The following ELL variants were observed in gnomAD, a reference collection of about 807,000 sequenced individuals.
ELL encodes RNA polymerase II elongation factor ELL.
In ELL, 18 loss-of-function variants were observed where a neutral mutation model predicts 64.0. The observed-to-expected ratio is 0.28, with a 90% CI of 0.19 to 0.42. ELL has a LOEUF of 0.42. Among genes scored for constraint, ELL ranks in the 10% least tolerant of loss-of-function variants. The probability of loss-of-function intolerance (pLI) is 1.00; values close to 1 mark genes in which losing one functional copy is unlikely to be tolerated. For missense variants in ELL, 797 were observed against 870.4 expected, an observed-to-expected ratio of 0.92 and a Z score of 1.06; for synonymous variants, 399 against 376.2, an observed-to-expected ratio of 1.06 and a Z score of -0.70.
intron 1 of ELL, among the ~76,000 whole-genome samples, chr19:18,487,866 G>T (rs1010167094): frequency 6.6e-6 from 1 of 152,192 alleles, no homozygotes; most frequent in Non-Finnish European, 1.5e-5. Flanking sequence ...TTCAGAATCC[G>T]AACACTCAGG....
intron 1 of ELL, among the ~76,000 whole-genome samples, chr19:18,513,791 C>A (rs532421156): frequency 6.6e-6 from 1 of 151,746 alleles, no homozygotes; most frequent in African/African-American, 2.4e-5. Flanking sequence ...ATTAGCCGGG[C>A]GTGGTGGCGG....
Position 18,490,711 on chromosome 19 carries a change from G to A in ELL, c.136-17829C>T, listed in dbSNP as rs527730295. ...GGAAGGCATCCCACCCTCATCAGCC[G>A]TGAGCTCTGACGGCCCAGACAGCGC... On this transcript the variant is annotated intron_variant, in intron 1 of 11. Transcript: ENST00000262809. 1.1e-4 allele frequency among the ~76,000 whole-genome samples: 16 copies of A among 152,230 alleles called. No homozygotes were observed. In the South Asian group the frequency reaches 2.5e-3, roughly 24 times the overall value.
At chr19:18,480,223 C>A (rs985189343) in intron 1 of ELL, among the ~76,000 whole-genome samples, 1 of 152,206 alleles carries the variant, frequency 6.6e-6, no homozygotes, top group Non-Finnish European at 1.5e-5. Context: ...ACAGGCCCCC[C>A]CTTTCCAGTA....
At chr19:18,472,789 A>C (rs1400797832) in intron 2 of ELL, 46 bp downstream of exon 2, 2 of 1,583,834 alleles carry the variant, frequency 1.3e-6, no homozygotes, top group South Asian at 1.2e-5. Flanking sequence ...CTGAGACTAT[A>C]CCAGTCCCAA....
At chr19:18,483,714 G>A (rs1454825571) in intron 1 of ELL, among the ~76,000 whole-genome samples, 1 of 152,152 alleles carries the variant, frequency 6.6e-6, no homozygotes, top group Non-Finnish European at 1.5e-5. Context: ...TGATCCCAGG[G>A]TAGCAGGATA....
intron 1 of ELL, among the ~76,000 whole-genome samples, chr19:18,521,152 G>A (rs1976261154): frequency 6.6e-6 from 1 of 152,026 alleles, no homozygotes; most frequent in Admixed American, 6.6e-5. Context: ...CCTCCTGGGT[G>A]GCAGGGATCC....
intron 8 of ELL, among the ~76,000 whole-genome samples, chr19:18,447,321 T>C (rs1335765651): frequency 1.3e-5 from 2 of 152,254 alleles, no homozygotes; most frequent in Non-Finnish European, 2.9e-5. Context: ...CAGCAGGGCC[T>C]GCATCTCTTG....
intron 1 of ELL, among the ~76,000 whole-genome samples, chr19:18,499,380 G>GTTAAT (rs1975733049): frequency 6.6e-6 from 1 of 152,200 alleles, no homozygotes; most frequent in South Asian, 2.1e-4. Context: ...TTGCAAGGCT[G>GTTAAT]CTGAAACAAC....
intron 11 of ELL, 122 bp from the exon 12 acceptor site, chr19:18,444,990 G>T: frequency 8.4e-7 from 1 of 1,186,988 alleles, no homozygotes; most frequent in Non-Finnish European, 1.2e-6. Context: ...GGAGGGTTGT[G>T]GTCCAAGGGC....
rs1277946564 is a variant in ELL at position 18,449,355 on chromosome 19, C to G, written c.1465+1122G>C. Among the ~76,000 whole-genome samples, 1 of 152,112 alleles carries G rather than the reference C, an allele frequency of 6.6e-6. No individual in the cohort carries two copies. Among genetic ancestry groups the G allele is most frequent in the Non-Finnish European group, 1.5e-5 (1 of 67,990 alleles). The stretch of plus-strand genomic sequence containing the variant: ...CAGGAGTCCTGCCCTGAGCATGGCC[C>G]TGGTCAGAGAGGCTGCCCAGGGAGT... On this transcript the variant is annotated intron_variant, in intron 8 of 11. Coordinates refer to ENST00000262809, the MANE Select transcript of ELL (RefSeq NM_006532.4). The surrounding 1 kb of genome is among the most constrained non-coding windows in gnomAD (Gnocchi z 4.4).
At chr19:18,517,886 CAA>C (rs35771773) in intron 1 of ELL, among the ~76,000 whole-genome samples, 39 of 84,514 alleles carry the variant, frequency 4.6e-4, no homozygotes, top group Admixed American at 7.1e-4. Context: ...GACCTTGTCT[CAA>C]AAAAAAAAAA....
intron 6 of ELL, 71 bp from the exon 7 acceptor site, chr19:18,451,719 T>TGG: frequency 1.6e-6 from 2 of 1,240,594 alleles, no homozygotes; most frequent in Non-Finnish European, 2.1e-6. Flanking sequence ...TGTATCCACA[T>TGG]GGGGGCCCGG....
intron 1 of ELL, among the ~76,000 whole-genome samples, chr19:18,505,461 G>T (rs968945419): frequency 6.6e-6 from 1 of 152,168 alleles, no homozygotes; most frequent in Admixed American, 6.5e-5. Context: ...CAGAGCACTG[G>T]GCAGGGCCAT....
intron 1 of ELL, among the ~76,000 whole-genome samples, chr19:18,478,526 T>C (rs80141912): frequency 2.2e-4 from 34 of 152,268 alleles, no homozygotes; most frequent in Non-Finnish European, 3.8e-4. Flanking sequence ...CCAACTTTCA[T>C]TACCCAGCAT....
intron 7 of ELL, among the ~76,000 whole-genome samples, 186 bp from the exon 8 acceptor site, chr19:18,451,161 C>T (rs1322878530): frequency 1.3e-5 from 2 of 152,200 alleles, no homozygotes; most frequent in East Asian, 3.9e-4. Flanking sequence ...GCCCATCAGC[C>T]TGCTGGGATC....
intron 1 of ELL, among the ~76,000 whole-genome samples, chr19:18,484,240 G>A (rs1406302826): frequency 6.6e-6 from 1 of 152,188 alleles, no homozygotes; most frequent in Non-Finnish European, 1.5e-5. Context: ...GAGGTGGGTG[G>A]ATCACTTGAA....
intron 1 of ELL, among the ~76,000 whole-genome samples, chr19:18,498,243 T>C (rs1975703726): frequency 6.6e-6 from 1 of 151,730 alleles, no homozygotes; most frequent in Admixed American, 6.6e-5. Context: ...CGGGGAGAAG[T>C]ATATAGGAAC....
chr19:18,451,909 G>C (rs1974547813), intron 6 of ELL, among the ~76,000 whole-genome samples: 1 of 152,214 alleles, frequency 6.6e-6, no homozygotes, highest in Non-Finnish European at 1.5e-5. Context: ...CTACCGGAGA[G>C]ACCAGGGACA....
chr19:18,518,284 G>A (rs1257668546), intron 1 of ELL, among the ~76,000 whole-genome samples: 1 of 151,972 alleles, frequency 6.6e-6, no homozygotes, highest in Non-Finnish European at 1.5e-5. Context: ...GAAATCACTT[G>A]AGCCCCGGCG....
Sources: allele counts gnomAD v4.1 joint callset (sites outside exome capture counted in the v4.1 genomes callset), GRCh38; gene constraint gnomAD v4.1.1; non-coding constraint Gnocchi (gnomAD v3.1); transcripts MANE v1.5; gene names NCBI Gene and HGNC (gene_info 2026-07-23, HGNC 2026-07-21).